MSI2: variants seen among roughly 807,000 people sequenced by gnomAD.
The protein encoded by MSI2 is musashi RNA binding protein 2.
A neutral mutation model predicts 45.6 loss-of-function variants in MSI2; 17 were observed. The observed-to-expected ratio is 0.37, with a 90% CI of 0.26 to 0.56. The LOEUF is 0.56. Among genes scored for constraint, MSI2 ranks in the 20% least tolerant of loss-of-function variants. MSI2 has a pLI of 0.77. For missense variants in MSI2, 293 were observed against 444.2 expected, an observed-to-expected ratio of 0.66 and a Z score of 3.06; for synonymous variants, 156 against 158.2, an observed-to-expected ratio of 0.99 and a Z score of 0.11.
rs1043351640 is a variant in MSI2 at position 57,330,628 on chromosome 17, C to T, written c.312+68436C>T. On this transcript the variant is annotated intron_variant, in intron 5 of 13. Coordinates refer to ENST00000284073, the MANE Select transcript of MSI2 (RefSeq NM_138962.4). ...AAAGGGTACCTGCATGATTCAGATC[C>T]TGTGAAGACTTTTGTCTCTCAGGCG... Among the ~76,000 whole-genome samples, 12 of 152,058 alleles carry T rather than the reference C, an allele frequency of 7.9e-5. No homozygotes were observed. The East Asian group carries it at 2.3e-3, about 29-fold the overall frequency.
chr17:57,329,538 T>G (rs190008764), intron 5 of MSI2, among the ~76,000 whole-genome samples: 1 of 152,158 alleles, frequency 6.6e-6, no homozygotes, highest in African/African-American at 2.4e-5. Flanking sequence ...CAGAAACTCA[T>G]AGTGGGGTTT....
intron 6 of MSI2, among the ~76,000 whole-genome samples, chr17:57,497,652 A>G (rs948359354): frequency 4.6e-5 from 7 of 152,124 alleles, no homozygotes; most frequent in African/African-American, 1.4e-4. Context: ...CTCATCAGAG[A>G]TGTCTTTGGG....
At chr17:57,534,774 C>T (rs948017426) in intron 7 of MSI2, among the ~76,000 whole-genome samples, 4 of 152,218 alleles carry the variant, frequency 2.6e-5, no homozygotes, top group Admixed American at 6.5e-5. Flanking sequence ...CACTTCATTT[C>T]CTGGCCTTCC....
intron 12 of MSI2, among the ~76,000 whole-genome samples, chr17:57,676,190 C>T (rs180690998): frequency 3.5e-4 from 54 of 152,354 alleles, no homozygotes; most frequent in African/African-American, 1.2e-3. Context: ...ATTCATGCCC[C>T]CTGGCATTGG....
chr17:57,497,070 C>T (rs562579114), intron 6 of MSI2, among the ~76,000 whole-genome samples: 4 of 152,254 alleles, frequency 2.6e-5, no homozygotes, highest in South Asian at 4.2e-4. Flanking sequence ...CTCTGCCTCC[C>T]GAGTTCAAGC....
chr17:57,440,463 TG>T (rs2084778764), intron 6 of MSI2, among the ~76,000 whole-genome samples: 1 of 146,954 alleles, frequency 6.8e-6, no homozygotes, highest in Admixed American at 6.8e-5. Context: ...TGTGTGTGTG[TG>T]TGTAGCGTGG....
chr17:57,676,902 C>T (rs1913273243), intron 12 of MSI2, 85 bp from the exon 13 acceptor site: 1 of 899,302 alleles, frequency 1.1e-6, no homozygotes, highest in Non-Finnish European at 1.9e-6. Flanking sequence ...CAGAACTAGT[C>T]CTAGAGATAA....
At chr17:57,560,568 A>C (rs997330821) in intron 7 of MSI2, among the ~76,000 whole-genome samples, 1 of 152,224 alleles carries the variant, frequency 6.6e-6, no homozygotes, top group Non-Finnish European at 1.5e-5. Context: ...CCCAGATTTT[A>C]ACCACCTACC....
At chr17:57,541,177 G>GAGAGAC (rs1459927316) in intron 7 of MSI2, among the ~76,000 whole-genome samples, 1 of 151,552 alleles carries the variant, frequency 6.6e-6, no homozygotes, top group Admixed American at 6.6e-5. Flanking sequence ...GAGAGAGAGA[G>GAGAGAC]ACACTTCAAG....
chr17:57,573,963 G>T (rs535641399), intron 7 of MSI2, among the ~76,000 whole-genome samples: 1 of 152,318 alleles, frequency 6.6e-6, no homozygotes, highest in African/African-American at 2.4e-5. Context: ...CGTGGTGGTG[G>T]TTGTGACGAT....
At chr17:57,630,677 TC>T (rs1343828956) in intron 10 of MSI2, 1 of 152,286 alleles carries the variant, frequency 6.6e-6, no homozygotes, top group Non-Finnish European at 1.5e-5. Flanking sequence ...CCCAGATGCC[TC>T]CCCAAGCAGC....
intron 11 of MSI2, among the ~76,000 whole-genome samples, chr17:57,669,237 A>G (rs545064177): frequency 4.9e-4 from 75 of 152,314 alleles, no homozygotes; most frequent in East Asian, 1.9e-3. Flanking sequence ...GGGGTCCCCA[A>G]TTCTGTTCCC....
intron 6 of MSI2, among the ~76,000 whole-genome samples, chr17:57,438,424 C>T (rs1237656351): frequency 6.6e-6 from 1 of 152,130 alleles, no homozygotes; most frequent in African/African-American, 2.4e-5. Flanking sequence ...CTTCCTCCAT[C>T]CCCTCCTTCC....
At chr17:57,401,293 T>C (rs889709249) in intron 5 of MSI2, 86 bp from the exon 6 acceptor site, 5 of 1,100,918 alleles carry the variant, frequency 4.5e-6, no homozygotes, top group African/African-American at 1.5e-5. Flanking sequence ...TAGAGAAATG[T>C]GGAGAGCAGA....
intron 6 of MSI2, among the ~76,000 whole-genome samples, chr17:57,481,331 A>G (rs758335847): frequency 7.2e-5 from 11 of 152,202 alleles, no homozygotes; most frequent in Non-Finnish European, 1.0e-4. Flanking sequence ...CCAAATAAAT[A>G]AGTCAGCAAA....
chr17:57,461,298 C>G (rs148141048), intron 6 of MSI2, among the ~76,000 whole-genome samples: 632 of 152,274 alleles, frequency 4.2e-3, no homozygotes, highest in Non-Finnish European at 6.9e-3. Context: ...GGCAGCTGTT[C>G]AGTGGTAATT....
chr17:57,597,625 C>CA (rs981934396), intron 8 of MSI2, among the ~76,000 whole-genome samples: 2 of 151,360 alleles, frequency 1.3e-5, no homozygotes, highest in African/African-American at 4.9e-5. Context: ...AACCCTGTCT[C>CA]AAAAAAAATA....
At chr17:57,520,278 A>G (rs893388152) in intron 6 of MSI2, among the ~76,000 whole-genome samples, 2 of 152,232 alleles carry the variant, frequency 1.3e-5, no homozygotes, top group African/African-American at 4.8e-5. Flanking sequence ...TGCCTTAGGT[A>G]GATAAAATGT....
In MSI2 at chr17:57,407,742, G is replaced by A. The variant is rs770521191; in HGVS notation, c.405+6271G>A. On this transcript the variant is annotated intron_variant, in intron 6 of 13. Transcript: ENST00000284073. This position sits in a 1 kb window ranked among gnomAD's most constrained non-coding sequence, Gnocchi z 4.1. ...TAGGCTGGACCAGGAAGGACCATGCGCACGCTCTTCCCTGGCTGAAGGCTA... is the reference window on the plus strand; with the variant it reads ...TAGGCTGGACCAGGAAGGACCATGCACACGCTCTTCCCTGGCTGAAGGCTA... Among the ~76,000 whole-genome samples, 3 of 152,050 alleles carry A rather than the reference G, an allele frequency of 2.0e-5. No individual in the cohort carries two copies. The highest frequency in any genetic ancestry group is 2.9e-5 in the Non-Finnish European group (2 of 68,002).
Sources: gnomAD v4.1 joint callset for allele counts (sites outside exome capture counted in the v4.1 genomes callset) on GRCh38, gnomAD v4.1.1 for gene constraint, Gnocchi (gnomAD v3.1) non-coding constraint, MANE v1.5 for transcripts, NCBI Gene and HGNC (gene_info 2026-07-23, HGNC 2026-07-21) for gene names.